DCXR: variants seen among roughly 807,000 people sequenced by gnomAD.
The protein encoded by DCXR is L-xylulose reductase.
DCXR carries 24 observed loss-of-function variants against 25.9 expected under a neutral mutation model. The observed-to-expected ratio is 0.93, with a 90% CI of 0.67 to 1.30. DCXR has a LOEUF of 1.30. Among genes scored for constraint, DCXR ranks in the 50% most tolerant of loss-of-function variants. DCXR has a pLI of 0.00. For missense variants in DCXR, 348 were observed against 333.7 expected, an observed-to-expected ratio of 1.04 and a Z score of -0.33; for synonymous variants, 161 against 141.7, an observed-to-expected ratio of 1.14 and a Z score of -0.97.
At position 82,035,954 on chromosome 17, in the gene DCXR, G is replaced by C; in HGVS notation, c.*6C>G. Reference sequence around the variant, plus strand: ...CGGCATGGGGCTTGAGGTGTGTGGAGGGAGCTCAGCAGGCCCAGAAGCCCC... The same window carrying C: ...CGGCATGGGGCTTGAGGTGTGTGGACGGAGCTCAGCAGGCCCAGAAGCCCC... On this transcript the variant is annotated 3_prime_UTR_variant, in exon 8 of 8. Coordinates refer to ENST00000306869, the MANE Select transcript of DCXR (RefSeq NM_016286.4). 1 of 1,611,028 alleles carries C rather than the reference G, an allele frequency of 6.2e-7. No individual in the cohort carries two copies.
In DCXR at chr17:82,036,317, G is replaced by C. The variant is rs377118987; in HGVS notation, c.514-9C>G. On this transcript the variant is annotated splice_polypyrimidine_tract_variant and intron_variant, in intron 6 of 7. Transcript: ENST00000306869. ...ACTGCATTCACTCGGATCTACACCG[G>C]GACAGCTGGGGTCAGCAGGGCAAGT... is the stretch of plus-strand genomic sequence containing the variant. The C allele has an allele frequency of 6.2e-7, 1 of 1,613,408 alleles. No homozygotes were observed. Among genetic ancestry groups the C allele is most frequent in the South Asian group, 1.1e-5 (1 of 91,090 alleles).
chr17:82,036,029 C>T lies in DCXR; in HGVS notation c.666G>A (p.Leu222=). 6.2e-7 allele frequency: 1 copy of T among 1,613,350 alleles called. No individual in the cohort carries two copies. The change falls in exon 8 of 8, where the codon CTG becomes CTA. Residue 222 remains leucine (L), a synonymous_variant. Transcript: ENST00000306869. ...VEHVVNAILF[L]LSDRSGMTTG... The stretch of plus-strand genomic sequence containing the variant: ...TGGTCATGCCACTTCGGTCACTCAG[C>T]AGAAAGAGGATGGCGTTCACCACGT...
rs1315174840 is a variant in DCXR at position 82,035,952 on chromosome 17, G to A, written c.*8C>T. 6.2e-7 allele frequency: 1 copy of A among 1,610,274 alleles called. No homozygotes were observed. The highest frequency in any genetic ancestry group is 2.2e-5 in the East Asian group (1 of 44,890). ...CACGGCATGGGGCTTGAGGTGTGTG[G>A]AGGGAGCTCAGCAGGCCCAGAAGCC... On this transcript the variant is annotated 3_prime_UTR_variant, in exon 8 of 8. Coordinates refer to ENST00000306869, the MANE Select transcript of DCXR (RefSeq NM_016286.4).
chr17:82,036,989 C>A lies in DCXR; in HGVS notation c.175G>T (p.Val59Leu). The A allele has an allele frequency of 1.3e-6, 2 of 1,576,344 alleles. No homozygotes were observed. Among genetic ancestry groups the A allele is most frequent in the Non-Finnish European group, 1.7e-6 (2 of 1,161,762 alleles). The change falls in exon 3 of 8, where the codon GTG becomes TTG. Residue 59 changes from valine (V) to leucine (L), a missense_variant. By Grantham distance (32) the Val-to-Leu change is conservative. Transcript: ENST00000306869. ...GTGGCCTCCCAGTCACCCAGGTCCA[C>A]GCACACGGGTTCTATCCCCGGGCAC... Reference protein sequence around the residue: ...RECPGIEPVCVDLGDWEATER... With the variant: ...RECPGIEPVCLDLGDWEATER...
At chr17:82,036,143 A>C (rs8067668) in intron 7 of DCXR, 48 bp downstream of exon 7, 1 of 1,605,820 alleles carries the variant, frequency 6.2e-7, no homozygotes. Context: ...CCCAGGGCAC[A>C]CACAGGGACT....
In DCXR at chr17:82,036,190, C is replaced by G. The variant is rs1368336911; in HGVS notation, c.631+1G>C. ...GCTGGCTGGGCTCCCACCTGACTCA[C>G]CAGCAAACTTGCCAAGTGGGATTCG... On this transcript the variant is annotated splice_donor_variant, in intron 7 of 7. Coordinates refer to ENST00000306869, the MANE Select transcript of DCXR (RefSeq NM_016286.4). LOFTEE classifies it high-confidence loss of function. The G allele has an allele frequency of 1.2e-6, 2 of 1,613,376 alleles. No individual in the cohort carries two copies. The highest frequency in any genetic ancestry group is 1.7e-5 in the Admixed American group (1 of 59,972).
intron 2 of DCXR, 176 bp from the exon 3 acceptor site, chr17:82,037,189 G>T: frequency 1.1e-6 from 1 of 901,404 alleles, no homozygotes; most frequent in Non-Finnish European, 1.7e-6. Flanking sequence ...TCCTCCCTGC[G>T]CCCGAGCGAC....
rs755040105 is a variant in DCXR, at chr17:82,037,553, G to C, written c.53-6C>G. On this transcript the variant is annotated splice_region_variant and splice_polypyrimidine_tract_variant and intron_variant, in intron 1 of 7. Transcript: ENST00000306869. ...GACCGTGCCGCGCCCTATACCTGCC[G>C]GGAGCGGGCTCAGTGAAGGCGTCCC... is the stretch of plus-strand genomic sequence containing the variant. The C allele has an allele frequency of 1.2e-5, 18 of 1,544,268 alleles. No homozygotes were observed. In the South Asian group the frequency reaches 1.3e-4, roughly 11 times the overall value.
In DCXR at chr17:82,037,472, T is replaced by G; in HGVS notation, c.128A>C (p.Asp43Ala). The change falls in exon 2 of 8, where the codon GAT (aspartate) becomes GCT (alanine). Residue 43 changes from aspartate to alanine, a missense_variant. By Grantham distance (126) the Asp-to-Ala change is moderately radical. Transcript: ENST00000306869. ...TACCTCGCGGACAAGGCTGTCAAGA[T>G]CCGCCTGAGTCCGGCTCACAGCCAC... ...RVVAVSRTQA[D>A]LDSLVRECPG... 6.5e-7 allele frequency: 1 copy of G among 1,532,628 alleles called. No individual in the cohort carries two copies. The highest frequency in any genetic ancestry group is 8.7e-7 in the Non-Finnish European group (1 of 1,146,632). 94.9% of individuals were successfully genotyped at this position (1,532,628 alleles called of 1,614,324 possible).
At chr17:82,037,129 TG>T in intron 2 of DCXR, 116 bp from the exon 3 acceptor site, 2 of 1,337,016 alleles carry the variant, frequency 1.5e-6, no homozygotes, top group Non-Finnish European at 2.1e-6. Flanking sequence ...GTTCCGAAGG[TG>T]TCGGGACTGT....
Position 82,036,432 on chromosome 17 carries a change from G to A in DCXR, c.465C>T (p.Ala155=). The change falls in exon 6 of 8, where the codon GCC becomes GCT. Residue 155 remains alanine (A), a synonymous_variant. Transcript: ENST00000306869. ...CCATCACCTTGGTCAGCATGTCCAG[G>A]GCACCCTTGGTGGAGCCTACGAAGA... ...NHSVYCSTKG[A]LDMLTKVMAL... 3.7e-6 allele frequency: 6 copies of A among 1,613,510 alleles called. No homozygotes were observed. The South Asian group carries it at 4.4e-5, about 12-fold the overall frequency.
Position 82,036,783 on chromosome 17 carries a change from C to A in DCXR, c.306-20G>T, listed in dbSNP as rs949611514. The stretch of plus-strand genomic sequence containing the variant: ...AAGGATCTAGAGGCCGAGGGACAGA[C>A]CCTGGTCAGAGATTAGGGCTGCTGC... On this transcript the variant is annotated intron_variant, in intron 3 of 7. Coordinates refer to ENST00000306869, the MANE Select transcript of DCXR (RefSeq NM_016286.4). The A allele has an allele frequency of 1.1e-5, 18 of 1,613,464 alleles. No individual in the cohort carries two copies. The highest frequency in any genetic ancestry group is 1.5e-5 in the Non-Finnish European group (18 of 1,180,028).
rs972000005 is a variant in DCXR, at chr17:82,036,525, G to C, written c.448+19C>G. 1.9e-6 allele frequency: 3 copies of C among 1,612,698 alleles called. No homozygotes were observed. The Admixed American group carries it at 5.0e-5, about 27-fold the overall frequency. The stretch of plus-strand genomic sequence containing the variant: ...GGCTGGGGCTGGGGTGGGGCTGAGG[G>C]CACAGCTGGGGCACTCACAGTAGAC... On this transcript the variant is annotated intron_variant, in intron 5 of 7. Transcript: ENST00000306869.
In DCXR at chr17:82,036,874, TTGG is replaced by T. The variant is rs1470161596; in HGVS notation, c.287_289del (p.Thr96del). On this transcript the variant is annotated inframe_deletion, in exon 3 of 8. Coordinates refer to ENST00000306869, the MANE Select transcript of DCXR (RefSeq NM_016286.4). ...ACAGGCTCACCTGTCAAAGGCCTCC[TTGG>T]TGACCTCCAGGAAGGGCTGCAGCAG... 6.2e-7 allele frequency: 1 copy of T among 1,613,126 alleles called. No individual in the cohort carries two copies. Among genetic ancestry groups the T allele is most frequent in the Non-Finnish European group, 8.5e-7 (1 of 1,179,962 alleles).
Position 82,037,536 on chromosome 17 carries a change from C to T in DCXR, c.64G>A (p.Gly22Ser). Residue 22 changes from glycine (G) to serine (S), a missense_variant, in exon 2 of 8, where the codon GGC (glycine) becomes AGC (serine). By Grantham distance (56) the Gly-to-Ser change is moderately conservative. Transcript: ENST00000306869. ...VTGAGKGIGR[G>S]TVQALHATGA... ...GTCGCGTGCAGCGCCTGGACCGTGC[C>T]GCGCCCTATACCTGCCGGGAGCGGG... The T allele has an allele frequency of 6.5e-7, 1 of 1,545,010 alleles. No homozygotes were observed. Among genetic ancestry groups the T allele is most frequent in the African/African-American group, 1.4e-5 (1 of 73,228 alleles).
chr17:82,036,362 G>C (rs751641743), intron 6 of DCXR, 22 bp downstream of exon 6: 5 of 1,613,142 alleles, frequency 3.1e-6, no homozygotes, highest in Non-Finnish European at 3.4e-6. Context: ...TAGGTTGGGG[G>C]AGGTACCCCA....
chr17:82,037,525 C>T lies in DCXR; in HGVS notation c.75G>A (p.Gln25=), dbSNP rs901796083. 1.9e-5 allele frequency: 29 copies of T among 1,545,154 alleles called. No individual in the cohort carries two copies. Among genetic ancestry groups the T allele is most frequent in the Non-Finnish European group, 2.4e-5 (28 of 1,151,942 alleles). The part of the protein sequence containing the change: ...AGKGIGRGTV[Q]ALHATGARVV... Reference sequence around the variant, plus strand: ...CCCGCGCGCCCGTCGCGTGCAGCGCCTGGACCGTGCCGCGCCCTATACCTG... The same window carrying T: ...CCCGCGCGCCCGTCGCGTGCAGCGCTTGGACCGTGCCGCGCCCTATACCTG... Residue 25 remains glutamine, a synonymous_variant, in exon 2 of 8, where the codon CAG becomes CAA. Coordinates refer to ENST00000306869, the MANE Select transcript of DCXR (RefSeq NM_016286.4).
At chr17:82,037,092 T>C in intron 2 of DCXR, 79 bp from the exon 3 acceptor site, 1 of 1,523,696 alleles carries the variant, frequency 6.6e-7, no homozygotes, top group Non-Finnish European at 8.9e-7. Flanking sequence ...TGGTGACCTT[T>C]CAGCCGGACA....
At chr17:82,037,236 C>T in intron 2 of DCXR, 3 of 844,736 alleles carry the variant, frequency 3.6e-6, no homozygotes, top group Non-Finnish European at 5.3e-6. Flanking sequence ...ATTTCGGCCT[C>T]TTTCTGAGCC....
Sources: gnomAD v4.1 joint callset for allele counts on GRCh38, gnomAD v4.1.1 for gene constraint, MANE v1.5 for transcripts, NCBI Gene and HGNC (gene_info 2026-07-23, HGNC 2026-07-21) for gene names.